Variants in LIG4 observed in about 807,000 individuals in gnomAD.
LIG4 encodes DNA ligase 4, also known as DNA joinase.
Under a neutral mutation model 19.0 loss-of-function variants are expected in LIG4, and 13 were observed. The observed-to-expected ratio is 0.68, with a 90% CI of 0.44 to 1.09. The LOEUF (loss-of-function observed/expected upper bound fraction) is 1.09. Ranked by LOEUF, LIG4 falls within the 50% of genes least tolerant of loss-of-function variation. The pLI is 0.00. For missense variants in LIG4, 1,026 were observed against 1,089.7 expected (o/e 0.94, Z 0.82); for synonymous variants, 361 against 358.2 (o/e 1.01, Z -0.09).
upstream of LIG4, among the ~76,000 whole-genome samples, chr13:108,217,504 G>T (rs545755717): frequency 1.6e-4 from 25 of 152,116 alleles, no homozygotes; most frequent in African/African-American, 4.6e-4. Context: ...TGGGAAACAA[G>T]AGCGAAACTC....
Position 108,210,405 on chromosome 13 carries a change from A to G in LIG4, c.864T>C (p.Tyr288=), listed in dbSNP as rs797045681. 14 of 1,613,702 alleles carry G rather than the reference A, an allele frequency of 8.7e-6. No individual in the cohort carries two copies. The Middle Eastern group carries it at 2.0e-3, about 228-fold the overall frequency. The part of the protein sequence containing the change: ...RMQMHKDGDV[Y]KYFSRNGYNY... ...TATATCCATTTCGAGAGAAGTATTT[A>G]TATACATCTCCATCTTTGTGCATTT... The change falls in exon 3 of 3, where the codon TAT becomes TAC. Residue 288 remains tyrosine (Y), a synonymous_variant. Transcript: ENST00000442234.
chr13:108,211,246 T>C lies in LIG4; in HGVS notation c.23A>G (p.Gln8Arg). 6.2e-7 allele frequency: 1 copy of C among 1,612,560 alleles called. No individual in the cohort carries two copies. Among genetic ancestry groups the C allele is most frequent in the Non-Finnish European group, 8.5e-7 (1 of 1,179,794 alleles). Residue 8 changes from glutamine (Q) to arginine (R), a missense_variant, in exon 3 of 3, where the codon CAA becomes CGA. Gln to Arg is a conservative substitution (Grantham distance 43). Coordinates refer to ENST00000442234, the MANE Select transcript of LIG4 (RefSeq NM_206937.2). Reference sequence around the variant, plus strand: ...AAAAGGAACGTGAGATGCAACAGTTTGTGAAGTTTGTGAGGCAGCCATCAA... The same window carrying C: ...AAAAGGAACGTGAGATGCAACAGTTCGTGAAGTTTGTGAGGCAGCCATCAA... MAASQTS[Q>R]TVASHVPFAD...
chr13:108,217,963 G>A (rs199894762), upstream of LIG4, among the ~76,000 whole-genome samples: 1 of 152,144 alleles, frequency 6.6e-6, no homozygotes, highest in Non-Finnish European at 1.5e-5. Context: ...GCAAAAATAA[G>A]ACAATTTTAC....
At chr13:108,216,412 A>G (rs1205101447), upstream of LIG4, among the ~76,000 whole-genome samples, 1 of 152,244 alleles carries the variant, frequency 6.6e-6, no homozygotes, top group South Asian at 2.1e-4. Flanking sequence ...CTGATAAAAC[A>G]TATTAGAGCT....
Position 108,208,595 on chromosome 13 carries a change from T to C in LIG4, c.2674A>G (p.Ser892Gly). 1 of 1,613,390 alleles carries C rather than the reference T, an allele frequency of 6.2e-7. No individual in the cohort carries two copies. The highest frequency in any genetic ancestry group is 1.7e-4 in the Middle Eastern group (1 of 6,060). Residue 892 changes from serine to glycine, a missense_variant, in exon 3 of 3, where the codon AGT becomes GGT. Physicochemically the swap from Ser to Gly is moderately conservative, Grantham distance 56. Transcript: ENST00000442234. ...TTGTCTATTGAATCAGTTACCCAAC[T>C]TTCTTTTAGGATTTTAAACTTTCTC... ...FKRKFKILKE[S>G]WVTDSIDKCE...
At position 108,210,894 on chromosome 13, in the gene LIG4, A is replaced by G. The variant is rs1248126739; in HGVS notation, c.375T>C (p.Phe125=). ...TCAACACAAAATATGCAATCATTGCAAAGTCTCCAGCATCTCCATGAGTTC... is the reference window on the plus strand; with the variant it reads ...TCAACACAAAATATGCAATCATTGCGAAGTCTCCAGCATCTCCATGAGTTC... ...PTGTHGDAGD[F]AMIAYFVLKP... Residue 125 remains phenylalanine, a synonymous_variant, in exon 3 of 3, where the codon TTT becomes TTC. Coordinates refer to ENST00000442234, the MANE Select transcript of LIG4 (RefSeq NM_206937.2). 1 of 1,614,068 alleles carries G rather than the reference A, an allele frequency of 6.2e-7. No individual in the cohort carries two copies. Among genetic ancestry groups the G allele is most frequent in the Non-Finnish European group, 8.5e-7 (1 of 1,179,982 alleles).
chr13:108,216,131 T>TA (rs1339304560), upstream of LIG4, among the ~76,000 whole-genome samples: 2 of 152,208 alleles, frequency 1.3e-5, no homozygotes, highest in Non-Finnish European at 2.9e-5. Context: ...GTTTAAGGTT[T>TA]AAAAATAAAG....
chr13:108,211,099 T>C lies in LIG4; in HGVS notation c.170A>G (p.His57Arg). The change falls in exon 3 of 3, where the codon CAC becomes CGC. Residue 57 changes from histidine (H) to arginine (R), a missense_variant. Physicochemically the swap from His to Arg is conservative, Grantham distance 29. This residue lies in a region of LIG4 where 493 missense variants were observed against 544.5 expected (regional missense o/e 0.91). Coordinates refer to ENST00000442234, the MANE Select transcript of LIG4 (RefSeq NM_206937.2). ...RKFHDALHKNHKDVTDSFYPA... is the reference protein window; with the variant it reads ...RKFHDALHKNRKDVTDSFYPA... Reference sequence around the variant, plus strand: ...ATAAAAAGAGTCTGTGACATCTTTGTGGTTCTTATGAAGAGCATCATGAAA... The same window carrying C: ...ATAAAAAGAGTCTGTGACATCTTTGCGGTTCTTATGAAGAGCATCATGAAA... 1 of 1,609,666 alleles carries C rather than the reference T, an allele frequency of 6.2e-7. No individual in the cohort carries two copies. Among genetic ancestry groups the C allele is most frequent in the South Asian group, 1.1e-5 (1 of 90,594 alleles).
Position 108,210,322 on chromosome 13 carries a change from TG to T in LIG4, c.946del (p.His316IlefsTer17). 6.2e-7 allele frequency: 1 copy of T among 1,613,902 alleles called. No homozygotes were observed. The highest frequency in any genetic ancestry group is 8.5e-7 in the Non-Finnish European group (1 of 1,179,820). On this transcript the variant is annotated frameshift_variant, in exon 3 of 3. Transcript: ENST00000442234. LOFTEE classifies it low-confidence loss of function (END_TRUNC). ...PTEGSLTPFI[H>X]NAFKADIQIC... ...TTGTATATCTGCTTTGAATGCATTA[TG>T]AATGAATGGGGTAAGAGAACCTTCA...
At chr13:108,211,327 TA>T (rs1463977419) in intron 2 of LIG4, 31 bp from the exon 3 acceptor site, 2 of 1,220,310 alleles carry the variant, frequency 1.6e-6, no homozygotes, top group Non-Finnish European at 2.4e-6. Context: ...TAACTTTAAG[TA>T]AAAGATAAGA....
Position 108,211,075 on chromosome 13 carries a change from TAA to T in LIG4, c.192_193del (p.Phe64LeufsTer21). On this transcript the variant is annotated frameshift_variant, in exon 3 of 3. Coordinates refer to ENST00000442234, the MANE Select transcript of LIG4 (RefSeq NM_206937.2). LOFTEE classifies it high-confidence loss of function. ...AGGAAGAATTAGTCTCATTGCTGGA[TAA>T]AAAGAGTCTGTGACATCTTTGTGGT... The T allele has an allele frequency of 6.2e-7, 1 of 1,606,028 alleles. No homozygotes were observed. Among genetic ancestry groups the T allele is most frequent in the Non-Finnish European group, 8.5e-7 (1 of 1,175,738 alleles).
chr13:108,212,877 G>A (rs1488785731), intron 2 of LIG4, among the ~76,000 whole-genome samples: 1 of 151,928 alleles, frequency 6.6e-6, no homozygotes, highest in East Asian at 1.9e-4. Flanking sequence ...TTGACTCCTG[G>A]ATAAGCACAC....
upstream of LIG4, among the ~76,000 whole-genome samples, chr13:108,216,083 G>T (rs1879275513): frequency 6.6e-6 from 1 of 151,808 alleles, no homozygotes; most frequent in Non-Finnish European, 1.5e-5. Flanking sequence ...ATAAACCGTT[G>T]CATGACCAGA....
intron 2 of LIG4, among the ~76,000 whole-genome samples, chr13:108,213,784 A>C (rs904991286): frequency 6.6e-6 from 1 of 152,220 alleles, no homozygotes; most frequent in Non-Finnish European, 1.5e-5. Context: ...TCTAAGCTTC[A>C]GTTTCCTAAA....
rs1478185006 is a variant in LIG4 at position 108,209,704 on chromosome 13, A to G, written c.1565T>C (p.Leu522Ser). The change falls in exon 3 of 3, where the codon TTG becomes TCG. Residue 522 changes from leucine to serine, a missense_variant. Physicochemically the swap from Leu to Ser is moderately radical, Grantham distance 145 (BLOSUM62 -2). Around this residue, in one of 3 missense-constraint regions of LIG4, gnomAD observed 521 missense variants for 515.5 expected, o/e 1.01. Transcript: ENST00000442234. ...ATGAAAAGGCTTCCAATACTTGGCC[A>G]ATTTCAAACCCAGATCATACAGTTC... The part of the protein sequence containing the change: ...MKELYDLGLK[L>S]AKYWKPFHRK... 5 of 1,614,014 alleles carry G rather than the reference A, an allele frequency of 3.1e-6. No homozygotes were observed. Among genetic ancestry groups the G allele is most frequent in the Non-Finnish European group, 4.2e-6 (5 of 1,180,022 alleles).
rs1878570739 is a variant in LIG4 at position 108,210,781 on chromosome 13, C to G, written c.488G>C (p.Arg163Thr). ...DSIASNNSAK[R>T]KDLIKKSLLQ... ...AAGGCTCTTTTTTATTAGGTCTTTT[C>G]TTTTAGCAGAATTATTGCTGGCAAT... Residue 163 changes from arginine (R) to threonine (T), a missense_variant, in exon 3 of 3, where the codon AGA becomes ACA. By Grantham distance (71) the Arg-to-Thr change is moderately conservative. This residue lies in a region of LIG4 where 493 missense variants were observed against 544.5 expected (regional missense o/e 0.91). Transcript: ENST00000442234. The G allele has an allele frequency of 6.2e-7, 1 of 1,613,848 alleles. No individual in the cohort carries two copies. The highest frequency in any genetic ancestry group is 1.1e-5 in the South Asian group (1 of 91,074).
rs758869845 is a variant in LIG4 at position 108,211,138 on chromosome 13, T to A, written c.131A>T (p.Asp44Val). ...EKIRHFREFL[D>V]SWRKFHDALH... ...AGCATCATGAAATTTTCTCCAAGAA[T>A]CTAAAAATTCCCTGAAGTGTCTGAT... Residue 44 changes from aspartate (D) to valine (V), a missense_variant, in exon 3 of 3, where the codon GAT (aspartate) becomes GTT (valine). Physicochemically the swap from Asp to Val is radical, Grantham distance 152. Around this residue, in one of 3 missense-constraint regions of LIG4, gnomAD observed 493 missense variants for 544.5 expected, o/e 0.91. Transcript: ENST00000442234. 1 of 1,612,200 alleles carries A rather than the reference T, an allele frequency of 6.2e-7. No homozygotes were observed. The highest frequency in any genetic ancestry group is 1.7e-5 in the Admixed American group (1 of 59,926).
chr13:108,209,400 T>C lies in LIG4; in HGVS notation c.1869A>G (p.Pro623=), dbSNP rs1333382769. The change falls in exon 3 of 3, where the codon CCA becomes CCG. Residue 623 remains proline (P), a synonymous_variant. Coordinates refer to ENST00000442234, the MANE Select transcript of LIG4 (RefSeq NM_206937.2). ...KHLYIGGDDE[P]QEKKRKAAPK... ...GGGCAGCTTTCCGCTTTTTTTCTTG[T>C]GGTTCATCATCACCACCTATATAAA... is the stretch of plus-strand genomic sequence containing the variant. The C allele has an allele frequency of 1.2e-6, 2 of 1,614,078 alleles. No individual in the cohort carries two copies. Among genetic ancestry groups the C allele is most frequent in the African/African-American group, 1.3e-5 (1 of 74,930 alleles).
rs2232640 is a variant in LIG4, at chr13:108,209,887, T to C, written c.1382A>G (p.Glu461Gly). Residue 461 changes from glutamate to glycine, a missense_variant, in exon 3 of 3, where the codon GAA becomes GGA. Coordinates refer to ENST00000442234, the MANE Select transcript of LIG4 (RefSeq NM_206937.2). Reference protein sequence around the residue: ...KPEYVSGLMDELDILIVGGYW... With the variant: ...KPEYVSGLMDGLDILIVGGYW... ...TCCTCCAACAATTAAAATGTCCAAT[T>C]CATCCATTAGTCCACTGACATACTC... 2.2e-5 allele frequency: 36 copies of C among 1,614,052 alleles called. No homozygotes were observed. The East Asian group carries it at 8.0e-4, about 36-fold the overall frequency.
Sources: gnomAD v4.1 joint callset for allele counts (sites outside exome capture counted in the v4.1 genomes callset) on GRCh38, gnomAD v4.1.1 for gene constraint, gnomAD v4.1.1 regional missense constraint, MANE v1.5 for transcripts, NCBI Gene and HGNC (gene_info 2026-07-23, HGNC 2026-07-21) for gene names.